The following CAMK2A variants were observed in gnomAD, a reference collection of about 807,000 sequenced individuals.
The protein encoded by CAMK2A is calcium/calmodulin-dependent protein kinase type II subunit alpha.
A neutral mutation model predicts 79.2 loss-of-function variants in CAMK2A; 7 were observed. The observed-to-expected ratio is 0.09, with a 90% CI of 0.05 to 0.17. The LOEUF (loss-of-function observed/expected upper bound fraction) is 0.17, where lower values mean the gene tolerates loss of function less well. Among genes scored for constraint, CAMK2A ranks in the 10% least tolerant of loss-of-function variants. CAMK2A has a pLI of 1.00. For synonymous variants in CAMK2A, 242 were observed against 251.7 expected, an observed-to-expected ratio of 0.96 and a Z score of 0.36; for missense variants, 214 against 646.4, an observed-to-expected ratio of 0.33 and a Z score of 7.25.
intron 10 of CAMK2A, 111 bp downstream of exon 10, chr5:150,250,577 G>C (rs950744996): frequency 6.9e-7 from 1 of 1,446,072 alleles, no homozygotes; most frequent in African/African-American, 1.4e-5. Flanking sequence ...CAGTCTCTTG[G>C]ATTAAGCCCT....
At position 150,256,578 on chromosome 5, in the gene CAMK2A, G is replaced by A. The variant is rs1475123780; in HGVS notation, c.406C>T (p.Leu136=). ...CHQMGVVHRD[L]KPENLLLASK... is the part of the protein sequence containing the mutation. Reference sequence around the variant, plus strand: ...ACCCACGGTGGGTTGCTCACCTTCAGGTCCCGGTGCACCACCCCCATCTGG... The same window carrying A: ...ACCCACGGTGGGTTGCTCACCTTCAAGTCCCGGTGCACCACCCCCATCTGG... Residue 136 remains leucine, a synonymous_variant, in exon 6 of 19, where the codon CTG becomes TTG. Transcript: ENST00000671881. The surrounding 1 kb of genome is among the most constrained non-coding windows in gnomAD (Gnocchi z 4.6). 10 of 1,613,078 alleles carry A rather than the reference G, an allele frequency of 6.2e-6. No homozygotes were observed. The highest frequency in any genetic ancestry group is 5.0e-5 in the Admixed American group (3 of 60,008).
intron 15 of CAMK2A, among the ~76,000 whole-genome samples, chr5:150,235,903 C>G (rs2114034572): frequency 6.6e-6 from 1 of 152,280 alleles, no homozygotes; most frequent in South Asian, 2.1e-4. Context: ...CTCCTCTTTC[C>G]TGCCAAACAC....
intron 1 of CAMK2A, among the ~76,000 whole-genome samples, chr5:150,288,318 C>T (rs1757517400): frequency 6.6e-6 from 1 of 152,164 alleles, no homozygotes; most frequent in South Asian, 2.1e-4. Context: ...GTCATGTTTA[C>T]ACCCTTGTTC....
At chr5:150,279,048 T>C (rs911786925) in intron 1 of CAMK2A, among the ~76,000 whole-genome samples, 11 of 152,100 alleles carry the variant, frequency 7.2e-5, no homozygotes, top group African/African-American at 2.7e-4. Context: ...TCATCTACAA[T>C]GTGGAGGCTG....
At chr5:150,242,335 G>A (rs545350742) in intron 13 of CAMK2A, among the ~76,000 whole-genome samples, 3 of 152,238 alleles carry the variant, frequency 2.0e-5, no homozygotes, top group South Asian at 4.2e-4. Context: ...TGGAAGCATG[G>A]TTCTAAGGTT....
intron 15 of CAMK2A, among the ~76,000 whole-genome samples, chr5:150,234,789 G>A (rs1052651125): frequency 2.0e-5 from 3 of 152,154 alleles, no homozygotes; most frequent in Admixed American, 6.6e-5. Flanking sequence ...TGGCCTGCCC[G>A]GAAGCTGGCT....
chr5:150,271,207 C>T (rs1756733449), intron 2 of CAMK2A, among the ~76,000 whole-genome samples: 1 of 152,216 alleles, frequency 6.6e-6, no homozygotes, highest in Admixed American at 6.5e-5. Context: ...GGCATTCCTG[C>T]CCACCCTGTC....
chr5:150,258,550 G>A (rs776940571), intron 3 of CAMK2A, among the ~76,000 whole-genome samples: 15 of 152,328 alleles, frequency 9.8e-5, no homozygotes, highest in Admixed American at 7.2e-4. Context: ...AACAGTATGC[G>A]TAGTACTTTT....
At chr5:150,287,043 G>T (rs372585064) in intron 1 of CAMK2A, among the ~76,000 whole-genome samples, 1 of 152,196 alleles carries the variant, frequency 6.6e-6, no homozygotes, top group African/African-American at 2.4e-5. Flanking sequence ...GAGGGACAGC[G>T]CCTGTGTCCC....
At chr5:150,265,549 C>T (rs1391325546) in intron 2 of CAMK2A, among the ~76,000 whole-genome samples, 1 of 152,164 alleles carries the variant, frequency 6.6e-6, no homozygotes, top group African/African-American at 2.4e-5. Context: ...ATGACCCACT[C>T]AGTCTCATGG....
intron 6 of CAMK2A, among the ~76,000 whole-genome samples, chr5:150,253,927 G>C (rs982310095): frequency 2.0e-5 from 3 of 152,168 alleles, no homozygotes; most frequent in African/African-American, 4.8e-5. Flanking sequence ...AGTGTTCTGC[G>C]TGCATCATCT....
At chr5:150,251,674 G>T in intron 9 of CAMK2A, 76 bp downstream of exon 9, 1 of 1,159,312 alleles carries the variant, frequency 8.6e-7, no homozygotes, top group Non-Finnish European at 1.2e-6. Context: ...GCCAGAACTA[G>T]AGAGTGGCTT....
intron 15 of CAMK2A, among the ~76,000 whole-genome samples, chr5:150,233,486 C>T (rs1754932571): frequency 6.6e-6 from 1 of 152,178 alleles, no homozygotes; most frequent in Admixed American, 6.5e-5. Flanking sequence ...ATTTTTAGAC[C>T]ATGAGTGCCA....
At position 150,253,493 on chromosome 5, in the gene CAMK2A, T is replaced by G. The variant is rs1291902310; in HGVS notation, c.465A>C (p.Ala155=). The change falls in exon 7 of 19, where the codon GCA becomes GCC. Residue 155 remains alanine, a synonymous_variant. Coordinates refer to ENST00000671881, the MANE Select transcript of CAMK2A (RefSeq NM_015981.4). ...SKLKGAAVKL[A]DFGLAIEVEG... The stretch of plus-strand genomic sequence containing the variant: ...CCACCTCTATGGCCAGGCCAAAGTC[T>G]GCCAGCTTCACTGCGGCACCCTTGA... 1.2e-6 allele frequency: 2 copies of G among 1,614,230 alleles called. No homozygotes were observed. Among genetic ancestry groups the G allele is most frequent in the South Asian group, 1.1e-5 (1 of 91,080 alleles).
intron 2 of CAMK2A, among the ~76,000 whole-genome samples, chr5:150,272,569 T>C (rs1414741238): frequency 7.4e-6 from 1 of 135,766 alleles, no homozygotes; most frequent in Non-Finnish European, 1.5e-5. Context: ...TGAAACTCCA[T>C]CTCAAAAAAA....
intron 7 of CAMK2A, 147 bp downstream of exon 7, chr5:150,253,297 G>T: frequency 1.5e-6 from 1 of 653,368 alleles, no homozygotes. Flanking sequence ...TCAGAGGCTG[G>T]GTGGGACAGG....
rs1176275666 is a variant in CAMK2A at position 150,220,933 on chromosome 5, TCCAA to T, written c.*1773_*1776del. 2 of 152,346 alleles carry T rather than the reference TCCAA, an allele frequency of 1.3e-5. No individual in the cohort carries two copies. Among genetic ancestry groups the T allele is most frequent in the East Asian group, 1.9e-4 (1 of 5,322 alleles). 9.4% of individuals were successfully genotyped at this position (152,346 alleles called of 1,614,324 possible). ...GATCAAACATCCTCACCAGTTCTGC[TCCAA>T]CCAACACCCAGGAGGGTCGAGGGTA... On this transcript the variant is annotated 3_prime_UTR_variant, in exon 19 of 19. Transcript: ENST00000671881.
rs1293279565 is a variant in CAMK2A, at chr5:150,257,564, G to A, written c.271C>T (p.Leu91=). The part of the protein sequence containing the change: ...EEGHHYLIFD[L]VTGGELFEDI... ...ATCCCAGGGCGGGGCCAAACTCACA[G>A]GTCGAAGATCAGGTAGTGGTGTCCC... Residue 91 remains leucine (L), a splice_region_variant and synonymous_variant, in exon 4 of 19, where the codon CTG becomes TTG. Coordinates refer to ENST00000671881, the MANE Select transcript of CAMK2A (RefSeq NM_015981.4). The A allele has an allele frequency of 1.9e-6, 3 of 1,566,844 alleles. No individual in the cohort carries two copies. Among genetic ancestry groups the A allele is most frequent in the Non-Finnish European group, 2.6e-6 (3 of 1,155,798 alleles).
In CAMK2A at chr5:150,256,606, G is replaced by A; in HGVS notation, c.378C>T (p.Cys126=). The A allele has an allele frequency of 6.2e-7, 1 of 1,613,930 alleles. No homozygotes were observed. Among genetic ancestry groups the A allele is most frequent in the Non-Finnish European group, 8.5e-7 (1 of 1,180,002 alleles). Residue 126 remains cysteine (C), a synonymous_variant, in exon 6 of 19, where the codon TGC becomes TGT. Transcript: ENST00000671881. The surrounding 1 kb of genome is among the most constrained non-coding windows in gnomAD (Gnocchi z 4.6). Reference sequence around the variant, plus strand: ...CCCGGTGCACCACCCCCATCTGGTGGCAGTGCAGCACAGCCTCCAGGATCT... The same window carrying A: ...CCCGGTGCACCACCCCCATCTGGTGACAGTGCAGCACAGCCTCCAGGATCT... ...IQQILEAVLH[C]HQMGVVHRDL...
Sources: gnomAD v4.1 joint callset for allele counts (sites outside exome capture counted in the v4.1 genomes callset) on GRCh38, gnomAD v4.1.1 for gene constraint, Gnocchi (gnomAD v3.1) non-coding constraint, MANE v1.5 for transcripts, NCBI Gene and HGNC (gene_info 2026-07-23, HGNC 2026-07-21) for gene names.